The following BMPR1B variants were observed in gnomAD, a reference collection of about 807,000 sequenced individuals.
BMPR1B encodes bone morphogenetic protein receptor type-1B.
In BMPR1B, 12 loss-of-function variants were observed where a neutral mutation model predicts 59.1. That is an observed-to-expected ratio of 0.20 (90% CI 0.13 to 0.33). The LOEUF (loss-of-function observed/expected upper bound fraction) is 0.33. BMPR1B is among the 10% of genes least tolerant of loss of function. The probability of loss-of-function intolerance (pLI) is 1.00; values close to 1 mark genes in which losing one functional copy is unlikely to be tolerated. For missense variants in BMPR1B, 550 were observed against 610.9 expected, an observed-to-expected ratio of 0.90 and a Z score of 1.05; for synonymous variants, 237 against 207.3, an observed-to-expected ratio of 1.14 and a Z score of -1.23.
intron 3 of BMPR1B, among the ~76,000 whole-genome samples, chr4:95,061,806 A>G (rs1056454404): frequency 6.6e-6 from 1 of 152,060 alleles, no homozygotes; most frequent in Admixed American, 6.6e-5. Flanking sequence ...ATATGTTTGG[A>G]TTTGTGTCCC....
chr4:94,937,719 G>GACACACACACACACACACACACAGACAC (rs70946570), intron 2 of BMPR1B, among the ~76,000 whole-genome samples: 1 of 147,624 alleles, frequency 6.8e-6, no homozygotes, highest in African/African-American at 2.5e-5. Flanking sequence ...CACACACACA[G>GACACACACACACACACACACACAGACAC]ACACACACAC....
intron 1 of BMPR1B, among the ~76,000 whole-genome samples, chr4:94,839,277 T>C (rs1297611606): frequency 1.5e-5 from 2 of 135,796 alleles, no homozygotes; most frequent in Admixed American, 7.3e-5. Context: ...CTATTAGGTC[T>C]GCTTGGTGCA....
intron 1 of BMPR1B, among the ~76,000 whole-genome samples, chr4:94,820,664 A>T (rs1183896931): frequency 6.6e-6 from 1 of 152,254 alleles, no homozygotes; most frequent in African/African-American, 2.4e-5. Context: ...AGTTAGTTGT[A>T]CGTAGACTCA....
intron 2 of BMPR1B, among the ~76,000 whole-genome samples, chr4:94,962,124 T>C (rs202178293): frequency 2.2e-3 from 198 of 88,002 alleles, no homozygotes; most frequent in Non-Finnish European, 2.2e-3. Context: ...TCCTTCCTTC[T>C]TTCCTTCCTT....
intron 1 of BMPR1B, among the ~76,000 whole-genome samples, chr4:94,853,059 T>G (rs1035718412): frequency 6.6e-6 from 1 of 152,192 alleles, no homozygotes. Context: ...GCCTGGAGTT[T>G]CCAGACTCCG....
At chr4:94,765,995 CAAT>C (rs1351963196) in intron 1 of BMPR1B, among the ~76,000 whole-genome samples, 1 of 152,106 alleles carries the variant, frequency 6.6e-6, no homozygotes, top group African/African-American at 2.4e-5. Context: ...ATGTCAATGA[CAAT>C]AATAGTATTT....
At chr4:94,991,999 T>G (rs989393077) in intron 2 of BMPR1B, among the ~76,000 whole-genome samples, 3 of 152,162 alleles carry the variant, frequency 2.0e-5, no homozygotes, top group African/African-American at 4.8e-5. Context: ...AACACAGATA[T>G]CTAAAGTTCA....
At chr4:94,790,696 G>T (rs1449218147) in intron 1 of BMPR1B, among the ~76,000 whole-genome samples, 4 of 152,268 alleles carry the variant, frequency 2.6e-5, no homozygotes, top group South Asian at 2.1e-4. Context: ...AATTGAGAAA[G>T]AATTTCTCTT....
rs374115313 is a variant in BMPR1B, at chr4:95,154,782, G to A, written c.*109G>A. ...ATCCACAGTACAAGCCTTGAACATCGTCCTGCTTCCCAGTGGGTTCAGACC... is the reference window on the plus strand; with the variant it reads ...ATCCACAGTACAAGCCTTGAACATCATCCTGCTTCCCAGTGGGTTCAGACC... On this transcript the variant is annotated 3_prime_UTR_variant, in exon 13 of 13. Transcript: ENST00000515059. The A allele has an allele frequency of 6.2e-5, 94 of 1,510,014 alleles. No homozygotes were observed. In the East Asian group the frequency reaches 1.1e-3, roughly 18 times the overall value. The allele number at this position is 1,510,014 out of a possible 1,614,324, so 93.5% of individuals were successfully genotyped here. A position where few individuals can be genotyped will look rare whatever the true frequency, so the allele number is the denominator to read the frequency against.
intron 1 of BMPR1B, among the ~76,000 whole-genome samples, chr4:94,770,483 G>T (rs1049575353): frequency 6.6e-6 from 1 of 151,934 alleles, no homozygotes; most frequent in Admixed American, 6.6e-5. Context: ...TTTCCAGTTT[G>T]AATCTTATTT....
chr4:95,091,977 T>C (rs192803256), intron 3 of BMPR1B, among the ~76,000 whole-genome samples: 1 of 152,218 alleles, frequency 6.6e-6, no homozygotes, highest in Admixed American at 6.6e-5. Context: ...TCAAGTGTTG[T>C]GGTTGTATAA....
intron 1 of BMPR1B, among the ~76,000 whole-genome samples, chr4:94,777,099 C>T (rs1296298541): frequency 6.6e-6 from 1 of 152,060 alleles, no homozygotes; most frequent in Admixed American, 6.6e-5. Flanking sequence ...GTACAGTGAA[C>T]ATCTTTATGA....
At chr4:95,104,672 G>A in intron 4 of BMPR1B, 105 bp downstream of exon 4, 2 of 1,381,592 alleles carry the variant, frequency 1.4e-6, no homozygotes, top group Non-Finnish European at 2.0e-6. Context: ...AGAGAACAAT[G>A]CCTAACACTA....
intron 11 of BMPR1B, among the ~76,000 whole-genome samples, chr4:95,149,647 A>G (rs919771349): frequency 6.6e-6 from 1 of 151,940 alleles, no homozygotes; most frequent in Non-Finnish European, 1.5e-5. Context: ...TTCTGTATCA[A>G]CTCTTCTGTA....
chr4:94,977,538 C>T (rs963819852), intron 2 of BMPR1B, among the ~76,000 whole-genome samples: 4 of 146,856 alleles, frequency 2.7e-5, no homozygotes, highest in African/African-American at 1.0e-4. Flanking sequence ...TCTTTGTAAA[C>T]TCATCTATCT....
intron 7 of BMPR1B, 21 bp from the exon 8 acceptor site, chr4:95,124,962 T>C: frequency 6.2e-7 from 1 of 1,603,886 alleles, no homozygotes; most frequent in Non-Finnish European, 8.5e-7. Context: ...TCTAAAATTA[T>C]CTTCATCTAT....
chr4:95,089,630 G>A (rs572254246), intron 3 of BMPR1B, among the ~76,000 whole-genome samples: 2 of 152,198 alleles, frequency 1.3e-5, no homozygotes, highest in South Asian at 2.1e-4. Flanking sequence ...GAGAGCTTGA[G>A]CAGCATCAGG....
At chr4:95,108,036 C>T (rs1029900432) in intron 4 of BMPR1B, among the ~76,000 whole-genome samples, 6 of 152,038 alleles carry the variant, frequency 3.9e-5, no homozygotes, top group Admixed American at 3.9e-4. Flanking sequence ...AATTTTCTCT[C>T]CACAATAAAT....
chr4:95,123,278 C>T (rs527786503), intron 6 of BMPR1B, among the ~76,000 whole-genome samples: 4 of 152,226 alleles, frequency 2.6e-5, no homozygotes, highest in Admixed American at 6.5e-5. Flanking sequence ...TTTAAAACAA[C>T]GCACAACCAT....
Sources: allele counts gnomAD v4.1 joint callset (sites outside exome capture counted in the v4.1 genomes callset), GRCh38; gene constraint gnomAD v4.1.1; transcripts MANE v1.5; gene names NCBI Gene and HGNC (gene_info 2026-07-23, HGNC 2026-07-21).